Variants in STK31 observed in about 807,000 individuals in gnomAD.
The protein encoded by STK31 is serine/threonine kinase 31.
In STK31, 89 loss-of-function variants were observed where a neutral mutation model predicts 129.7. That is an observed-to-expected ratio of 0.69 (90% CI 0.58 to 0.82). STK31 has a LOEUF of 0.82. STK31 is among the 40% of genes least tolerant of loss of function. The pLI, the probability that STK31 is intolerant of heterozygous loss-of-function variation, is 0.00. For synonymous variants in STK31, 448 were observed against 395.3 expected (o/e 1.13, Z -1.58); for missense variants, 1,187 against 1,176.4 (o/e 1.01, Z -0.13).
intron 8 of STK31, among the ~76,000 whole-genome samples, chr7:23,745,386 G>C (rs1259875798): frequency 1.3e-5 from 2 of 152,330 alleles, no homozygotes; most frequent in Non-Finnish European, 2.9e-5. Context: ...TTGAGTGGGG[G>C]TGGCAGTGGT....
chr7:23,817,198 A>T (rs2390816), intron 23 of STK31, among the ~76,000 whole-genome samples: 109,531 of 151,338 alleles, frequency 0.72, 39,785 homozygotes, highest in Admixed American at 0.77. Context: ...AAAAAAAAAA[A>T]AATAATAATA....
intron 11 of STK31, among the ~76,000 whole-genome samples, chr7:23,768,613 C>T (rs1181511522): frequency 2.0e-5 from 3 of 152,062 alleles, no homozygotes; most frequent in African/African-American, 7.2e-5. Flanking sequence ...GTTCAATGTA[C>T]ATTTGGATGA....
intron 9 of STK31, 136 bp from the exon 10 acceptor site, chr7:23,754,178 TA>T: frequency 1.6e-6 from 1 of 635,066 alleles, no homozygotes; most frequent in Non-Finnish European, 2.4e-6. Context: ...TGATTTTATA[TA>T]AAGTTTTAAA....
At chr7:23,776,451 G>C (rs7811322) in intron 15 of STK31, among the ~76,000 whole-genome samples, 61,897 of 151,760 alleles carry the variant, frequency 0.41, 12,690 homozygotes, top group African/African-American at 0.44. Context: ...CTGTGTATCT[G>C]TCTGGTCCTG....
At chr7:23,754,501 G>T in intron 10 of STK31, 27 bp downstream of exon 10, 2 of 1,587,448 alleles carry the variant, frequency 1.3e-6, no homozygotes, top group Non-Finnish European at 8.5e-7. Flanking sequence ...TCTCTATTGT[G>T]GTTTTTATCT....
chr7:23,825,534 C>A lies in STK31; in HGVS notation c.2830-6602C>A, dbSNP rs191295372. ...CTAGCAGTTTATCAATTTTGTTGAT[C>A]TTTTCAAAAAACCAGCTCCTGGATT... On this transcript the variant is annotated intron_variant, in intron 23 of 23. Transcript: ENST00000355870. Among the ~76,000 whole-genome samples the A allele has an allele frequency of 3.8e-3, 575 of 152,180 alleles. 4 individuals are homozygous for A. The highest frequency in any genetic ancestry group is 0.02 in the Middle Eastern group (6 of 294).
chr7:23,765,612 A>G (rs1271580499), intron 11 of STK31, among the ~76,000 whole-genome samples: 3 of 136,700 alleles, frequency 2.2e-5, no homozygotes, highest in East Asian at 4.4e-4. Context: ...GTTGGAGTGC[A>G]GTGGCACAGT....
intron 22 of STK31, among the ~76,000 whole-genome samples, chr7:23,804,029 G>A (rs1399437378): frequency 6.6e-6 from 1 of 152,134 alleles, no homozygotes. Context: ...GAGTACTGCT[G>A]TGAAGAAGTT....
chr7:23,803,155 C>T (rs114204035), intron 22 of STK31, among the ~76,000 whole-genome samples: 2,698 of 152,074 alleles, frequency 0.018, 89 homozygotes, highest in African/African-American at 0.062. Context: ...TAGTTTGGTA[C>T]GAAAGGCTGT....
At chr7:23,805,098 C>T (rs112064032) in intron 22 of STK31, among the ~76,000 whole-genome samples, 8,586 of 150,434 alleles carry the variant, frequency 0.057, 300 homozygotes, top group East Asian at 0.13. Context: ...TTTTTTGAGA[C>T]GGAGTCTTGC....
At chr7:23,738,926 G>A (rs1787886179) in intron 8 of STK31, among the ~76,000 whole-genome samples, 1 of 152,150 alleles carries the variant, frequency 6.6e-6, no homozygotes, top group African/African-American at 2.4e-5. Context: ...AAATAGTGCT[G>A]CAATAAACAT....
At chr7:23,754,554 AT>A (rs2128094235) in intron 10 of STK31, 80 bp downstream of exon 10, 2 of 1,445,228 alleles carry the variant, frequency 1.4e-6, no homozygotes, top group Non-Finnish European at 1.9e-6. Context: ...TCTAAAAAAA[AT>A]AACAGGATAC....
At chr7:23,712,065 G>T in intron 1 of STK31, 34 bp from the exon 2 acceptor site, 2 of 1,529,420 alleles carry the variant, frequency 1.3e-6, no homozygotes, top group South Asian at 1.1e-5. Flanking sequence ...ATTAATGGTG[G>T]ATTATTGTAA....
chr7:23,719,772 C>G (rs1786576769), intron 4 of STK31, among the ~76,000 whole-genome samples: 1 of 152,038 alleles, frequency 6.6e-6, no homozygotes, highest in African/African-American at 2.4e-5. Flanking sequence ...TGAGTATAAA[C>G]ACTTGTTTTT....
At chr7:23,775,410 T>C (rs1478935421) in intron 15 of STK31, among the ~76,000 whole-genome samples, 1 of 152,228 alleles carries the variant, frequency 6.6e-6, no homozygotes, top group Non-Finnish European at 1.5e-5. Flanking sequence ...ATTTATAAAT[T>C]ACTTTGGGCA....
At position 23,762,799 on chromosome 7, in the gene STK31, A is replaced by T; in HGVS notation, c.1294-2A>T. ...ATGGTTATTCTTTTTTTCTTCCTCC[A>T]GAGTGAAGGGAATATTTTGATTGCC... On this transcript the variant is annotated splice_acceptor_variant, in intron 10 of 23. Transcript: ENST00000355870. LOFTEE classifies it high-confidence loss of function. 6.2e-7 allele frequency: 1 copy of T among 1,609,548 alleles called. No homozygotes were observed. Among genetic ancestry groups the T allele is most frequent in the South Asian group, 1.1e-5 (1 of 89,612 alleles).
At chr7:23,742,721 C>A (rs1788122457) in intron 8 of STK31, among the ~76,000 whole-genome samples, 1 of 152,164 alleles carries the variant, frequency 6.6e-6, no homozygotes, top group African/African-American at 2.4e-5. Flanking sequence ...GGGGCTTTCT[C>A]TCTCTTCTCT....
intron 1 of STK31, 97 bp from the exon 2 acceptor site, chr7:23,712,002 A>T: frequency 1.9e-6 from 2 of 1,033,836 alleles, no homozygotes; most frequent in Non-Finnish European, 2.8e-6. Flanking sequence ...AACTGCATTT[A>T]GGACAAAACA....
chr7:23,780,826 A>C (rs1790878590), intron 15 of STK31, among the ~76,000 whole-genome samples: 1 of 152,208 alleles, frequency 6.6e-6, no homozygotes, highest in Non-Finnish European at 1.5e-5. Context: ...AGAGGTGTGC[A>C]GGGTTTTTAT....
Sources: allele counts gnomAD v4.1 joint callset (sites outside exome capture counted in the v4.1 genomes callset), GRCh38; gene constraint gnomAD v4.1.1; transcripts MANE v1.5; gene names NCBI Gene and HGNC (gene_info 2026-07-23, HGNC 2026-07-21).